The following SNX4 variants were observed in gnomAD, a reference collection of about 807,000 sequenced individuals.
SNX4 encodes the protein sorting nexin 4, also known as sorting nexin-4.
In SNX4, 49 loss-of-function variants were observed where a neutral mutation model predicts 70.8. The ratio of observed to expected loss-of-function variants is 0.69; its 90% CI spans 0.55 to 0.88. SNX4 has a LOEUF of 0.88. Ranked by LOEUF, SNX4 falls within the 40% of genes least tolerant of loss-of-function variation. SNX4 has a pLI of 0.00. For missense variants in SNX4, 528 were observed against 544.8 expected (o/e 0.97, Z 0.31); for synonymous variants, 206 against 183.8 (o/e 1.12, Z -0.98).
chr3:125,513,934 G>A (rs1177289766), intron 1 of SNX4, among the ~76,000 whole-genome samples: 1 of 152,180 alleles, frequency 6.6e-6, no homozygotes, highest in African/African-American at 2.4e-5. Flanking sequence ...GGAAGTCAGA[G>A]ATCAAGGAAC....
intron 1 of SNX4, among the ~76,000 whole-genome samples, chr3:125,519,790 G>A (rs1041576566): frequency 6.6e-6 from 1 of 151,972 alleles, no homozygotes; most frequent in Middle Eastern, 3.4e-3. Flanking sequence ...TCGCAGTCTC[G>A]ACACTTCCCT....
chr3:125,466,937 G>C (rs925658019), intron 9 of SNX4, among the ~76,000 whole-genome samples: 2 of 151,952 alleles, frequency 1.3e-5, no homozygotes, highest in African/African-American at 4.8e-5. Context: ...ACAAAAATTA[G>C]CTGGGTGTGG....
chr3:125,452,901 G>A (rs1214121600), intron 12 of SNX4, among the ~76,000 whole-genome samples: 1 of 152,140 alleles, frequency 6.6e-6, no homozygotes, highest in African/African-American at 2.4e-5. Context: ...ACAGGCATGA[G>A]CTACCGCGCC....
chr3:125,455,638 G>A (rs1049989852), intron 11 of SNX4, among the ~76,000 whole-genome samples: 3 of 152,152 alleles, frequency 2.0e-5, no homozygotes, highest in Non-Finnish European at 4.4e-5. Flanking sequence ...CATGTGTCCT[G>A]GTCACAAGTC....
intron 1 of SNX4, 72 bp downstream of exon 1, chr3:125,519,960 C>CT: frequency 7.9e-7 from 1 of 1,262,204 alleles, no homozygotes; most frequent in Non-Finnish European, 1.1e-6. Flanking sequence ...CCCAGCCCAG[C>CT]CCAGCCCAGC....
chr3:125,520,180 G>C lies in SNX4; in HGVS notation c.-8C>G. On this transcript the variant is annotated 5_prime_UTR_variant, in exon 1 of 14. Coordinates refer to ENST00000251775, the MANE Select transcript of SNX4 (RefSeq NM_003794.4). ...CGGAGGTGCCTGCTCCATGGCTGCAGTTCGGCGCGGCGAACCCAGTGCGCC... is the reference window on the plus strand; with the variant it reads ...CGGAGGTGCCTGCTCCATGGCTGCACTTCGGCGCGGCGAACCCAGTGCGCC... 7.4e-7 allele frequency: 1 copy of C among 1,359,778 alleles called. No individual in the cohort carries two copies. Among genetic ancestry groups the C allele is most frequent in the Non-Finnish European group, 9.5e-7 (1 of 1,058,118 alleles). 84.2% of individuals were successfully genotyped at this position (1,359,778 alleles called of 1,614,324 possible).
chr3:125,460,230 A>G (rs1933842823), intron 10 of SNX4, among the ~76,000 whole-genome samples: 1 of 151,808 alleles, frequency 6.6e-6, no homozygotes, highest in Non-Finnish European at 1.5e-5. Flanking sequence ...TGACAGGACA[A>G]CTGACCAAAA....
At chr3:125,504,898 A>G (rs767590352) in intron 1 of SNX4, among the ~76,000 whole-genome samples, 154 bp from the exon 2 acceptor site, 27 of 152,244 alleles carry the variant, frequency 1.8e-4, no homozygotes, top group Non-Finnish European at 2.8e-4. Context: ...GCAAAATGGC[A>G]GCAGCAAATG....
At chr3:125,472,513 T>A (rs975007703) in intron 8 of SNX4, among the ~76,000 whole-genome samples, 1 of 152,134 alleles carries the variant, frequency 6.6e-6, no homozygotes, top group Non-Finnish European at 1.5e-5. Flanking sequence ...TAAACATTAG[T>A]GGGGAAAAAT....
intron 5 of SNX4, among the ~76,000 whole-genome samples, chr3:125,490,965 T>A (rs1934646665): frequency 6.6e-6 from 1 of 152,076 alleles, no homozygotes; most frequent in African/African-American, 2.4e-5. Context: ...TGTTAATGAA[T>A]AAACAAACAA....
At chr3:125,505,926 T>C (rs930096454) in intron 1 of SNX4, among the ~76,000 whole-genome samples, 3 of 152,118 alleles carry the variant, frequency 2.0e-5, no homozygotes, top group Admixed American at 1.3e-4. Flanking sequence ...GAAGACTTTG[T>C]CTCTTCAAAA....
At chr3:125,502,881 T>C (rs1288317489) in intron 2 of SNX4, among the ~76,000 whole-genome samples, 3 of 150,308 alleles carry the variant, frequency 2.0e-5, no homozygotes, top group Non-Finnish European at 3.0e-5. Flanking sequence ...AGTATTAACA[T>C]TAAAACATTG....
At chr3:125,453,419 A>G (rs1933626904) in intron 12 of SNX4, among the ~76,000 whole-genome samples, 1 of 152,044 alleles carries the variant, frequency 6.6e-6, no homozygotes, top group African/African-American at 2.4e-5. Flanking sequence ...ATGAAGTTGA[A>G]ACTTTTATTT....
intron 8 of SNX4, among the ~76,000 whole-genome samples, chr3:125,474,808 T>G (rs1165112425): frequency 1.3e-5 from 2 of 151,658 alleles, no homozygotes; most frequent in African/African-American, 4.8e-5. Context: ...ATAATAAATG[T>G]GCTACCTTTG....
intron 9 of SNX4, among the ~76,000 whole-genome samples, chr3:125,461,063 TAA>T (rs1933872813): frequency 6.6e-6 from 1 of 152,100 alleles, no homozygotes; most frequent in Non-Finnish European, 1.5e-5. Flanking sequence ...CTGTCTCTAC[TAA>T]AAATACAAAA....
rs1933569272 is a variant in SNX4 at position 125,451,400 on chromosome 3, A to G, written c.1210T>C (p.Trp404Arg). ...LEGREFVKNA[W>R]ADIERFKEQK... ...TCTTTGAAGCGTTCAATATCAGCCCATGCGTTTTTCACAAATTCTCTGAAA... is the reference window on the plus strand; with the variant it reads ...TCTTTGAAGCGTTCAATATCAGCCCGTGCGTTTTTCACAAATTCTCTGAAA... Residue 404 changes from tryptophan to arginine, a missense_variant, in exon 13 of 14, where the codon TGG (tryptophan) becomes CGG (arginine). Trp to Arg is a moderately radical substitution (Grantham distance 101). Coordinates refer to ENST00000251775, the MANE Select transcript of SNX4 (RefSeq NM_003794.4). The G allele has an allele frequency of 6.2e-7, 1 of 1,613,052 alleles. No individual in the cohort carries two copies. Among genetic ancestry groups the G allele is most frequent in the African/African-American group, 1.3e-5 (1 of 74,906 alleles).
intron 9 of SNX4, among the ~76,000 whole-genome samples, chr3:125,461,475 T>C (rs1397408089): frequency 6.6e-6 from 1 of 152,336 alleles, no homozygotes; most frequent in East Asian, 1.9e-4. Flanking sequence ...CTTGTAAGAC[T>C]GTAATATCTT....
At position 125,519,948 on chromosome 3, in the gene SNX4, G is replaced by GCCCA. The variant is rs1935369992; in HGVS notation, c.141+83_141+84insTGGG. ...TCGGCCGAGCCCACTGGCCCGGCCC[G>GCCCA]GCCCAGCCCAGCCCAGCCCAGCCCA... On this transcript the variant is annotated intron_variant, in intron 1 of 13. Transcript: ENST00000251775. The GCCCA allele has an allele frequency of 2.1e-4, 162 of 775,384 alleles. 1 individual carries two copies. Among genetic ancestry groups the GCCCA allele is most frequent in the African/African-American group, 1.6e-3 (70 of 44,850 alleles). The allele number at this position is 775,384 out of a possible 1,614,324, so 48.0% of individuals were successfully genotyped here.
At chr3:125,451,862 G>C (rs1933582543) in intron 12 of SNX4, among the ~76,000 whole-genome samples, 1 of 152,100 alleles carries the variant, frequency 6.6e-6, no homozygotes, top group African/African-American at 2.4e-5. Flanking sequence ...CCTGAGCTCA[G>C]GTGATCTGCC....
Sources: allele counts gnomAD v4.1 joint callset (sites outside exome capture counted in the v4.1 genomes callset), GRCh38; gene constraint gnomAD v4.1.1; transcripts MANE v1.5; gene names NCBI Gene and HGNC (gene_info 2026-07-23, HGNC 2026-07-21).